Variants in PRCP observed in about 807,000 individuals in gnomAD.
PRCP encodes lysosomal Pro-X carboxypeptidase.
A neutral mutation model predicts 54.2 loss-of-function variants in PRCP; 46 were observed. That is an observed-to-expected ratio of 0.85 (90% confidence interval 0.67 to 1.09). PRCP has a LOEUF of 1.09. Among genes scored for constraint, PRCP ranks in the 50% least tolerant of loss-of-function variants. PRCP has a pLI of 0.00. For synonymous variants in PRCP, 240 were observed against 212.2 expected (o/e 1.13, Z -1.14); for missense variants, 613 against 596.8 (o/e 1.03, Z -0.28).
At chr11:82,831,740 C>G (rs1412335178) in intron 8 of PRCP, among the ~76,000 whole-genome samples, 1 of 151,648 alleles carries the variant, frequency 6.6e-6, no homozygotes, top group Non-Finnish European at 1.5e-5. Context: ...TTTAATTATA[C>G]TTTAAGTTCT....
rs147407642 is a variant in PRCP, at chr11:82,849,994, G to A, written c.671C>T (p.Thr224Ile). 1.0e-4 allele frequency: 163 copies of A among 1,561,242 alleles called. No individual in the cohort carries two copies. The African/African-American group carries it at 2.1e-3, about 20-fold the overall frequency. Reference protein sequence around the residue: ...PCGVFMKIVTTDFRKSGPHCS... With the variant: ...PCGVFMKIVTIDFRKSGPHCS... ...ATGTGGACCGCTTTTCCTAAAATCT[G>A]TAGTTACGATCTTCATAAATACACC... The change falls in exon 5 of 9, where the codon ACA becomes ATA. Residue 224 changes from threonine to isoleucine, a missense_variant. By Grantham distance (89) the Thr-to-Ile change is moderately conservative. Transcript: ENST00000313010.
chr11:82,834,129 A>G (rs1281238951), intron 8 of PRCP, among the ~76,000 whole-genome samples: 3 of 152,216 alleles, frequency 2.0e-5, no homozygotes, highest in Non-Finnish European at 4.4e-5. Context: ...CCATCTTGAA[A>G]GCAGAGACTG....
chr11:82,898,991 T>A (rs10898053), intron 1 of PRCP, among the ~76,000 whole-genome samples: 21,133 of 79,314 alleles, frequency 0.27, 1,518 homozygotes, highest in Middle Eastern at 0.32. Context: ...TTTTTAAAAA[T>A]AAAAAAATTT....
intron 1 of PRCP, among the ~76,000 whole-genome samples, chr11:82,896,737 A>G (rs1027311033): frequency 1.3e-5 from 2 of 150,368 alleles, no homozygotes; most frequent in Non-Finnish European, 3.0e-5. Flanking sequence ...AAATTCTGCC[A>G]GCAGAATGCC....
intron 2 of PRCP, chr11:82,858,778 A>G (rs1859146674): frequency 6.6e-6 from 1 of 152,178 alleles, no homozygotes; most frequent in South Asian, 2.1e-4. Context: ...ATCTGATGGA[A>G]AGGAGATTTC....
chr11:82,844,584 A>G (rs931630240), intron 6 of PRCP, among the ~76,000 whole-genome samples: 1 of 151,856 alleles, frequency 6.6e-6, no homozygotes, highest in Non-Finnish European at 1.5e-5. Context: ...TAAAAATACA[A>G]AAATCAGGCA....
intron 2 of PRCP, among the ~76,000 whole-genome samples, chr11:82,857,477 C>G (rs2121168496): frequency 6.6e-6 from 1 of 152,328 alleles, no homozygotes; most frequent in East Asian, 1.9e-4. Context: ...GTTAGATCTC[C>G]TTGCTAGAAC....
At chr11:82,831,524 C>T (rs901101511) in intron 8 of PRCP, 13 of 152,162 alleles carry the variant, frequency 8.5e-5, no homozygotes, top group African/African-American at 3.1e-4. Flanking sequence ...GGCCACGCAG[C>T]TAATTCAGGG....
At chr11:82,883,845 T>A (rs1426224846) in intron 1 of PRCP, among the ~76,000 whole-genome samples, 3 of 152,180 alleles carry the variant, frequency 2.0e-5, no homozygotes, top group Non-Finnish European at 4.4e-5. Flanking sequence ...GTTGTTTTTT[T>A]AGAAATTAGA....
At chr11:82,832,189 T>A (rs1858403449) in intron 8 of PRCP, among the ~76,000 whole-genome samples, 2 of 152,192 alleles carry the variant, frequency 1.3e-5, no homozygotes, top group Admixed American at 6.5e-5. Flanking sequence ...CATGTGCATG[T>A]GTCTTTTTAG....
At chr11:82,847,160 T>C (rs1210992994) in intron 6 of PRCP, among the ~76,000 whole-genome samples, 3 of 152,250 alleles carry the variant, frequency 2.0e-5, no homozygotes, top group Non-Finnish European at 4.4e-5. Context: ...ATTCCCCATA[T>C]GTTTTTATCA....
chr11:82,857,453 C>G (rs1169046384), intron 2 of PRCP, among the ~76,000 whole-genome samples: 1 of 152,186 alleles, frequency 6.6e-6, no homozygotes, highest in Non-Finnish European at 1.5e-5. Flanking sequence ...TCCAGAGCAC[C>G]ATCATCAAGA....
intron 1 of PRCP, 42 bp downstream of exon 1, chr11:82,900,193 G>A (rs202103768): frequency 1.9e-5 from 30 of 1,606,796 alleles, no homozygotes; most frequent in Non-Finnish European, 2.3e-5. Context: ...CAGGGTTCCC[G>A]GCGGTTGGGC....
intron 2 of PRCP, among the ~76,000 whole-genome samples, chr11:82,857,647 T>A (rs1344667293): frequency 6.6e-6 from 1 of 152,252 alleles, no homozygotes; most frequent in Non-Finnish European, 1.5e-5. Context: ...GTGCACATTG[T>A]TGCTTTTTAG....
chr11:82,854,774 A>G lies in PRCP; in HGVS notation c.310-1496T>C, dbSNP rs146379729. Reference sequence around the variant, plus strand: ...ATCACACTACCTGACTTCAAACTATACTGCAAGGCTACAATAACCAAAACA... The same window carrying G: ...ATCACACTACCTGACTTCAAACTATGCTGCAAGGCTACAATAACCAAAACA... On this transcript the variant is annotated intron_variant, in intron 2 of 8. Transcript: ENST00000313010. Among the ~76,000 whole-genome samples, 1,136 of 152,362 alleles carry G rather than the reference A, an allele frequency of 7.5e-3. 6 individuals are homozygous for G. The highest frequency in any genetic ancestry group is 0.012 in the Admixed American group (177 of 15,306).
At chr11:82,847,883 C>T (rs1369217692) in intron 6 of PRCP, among the ~76,000 whole-genome samples, 2 of 152,152 alleles carry the variant, frequency 1.3e-5, no homozygotes, top group Non-Finnish European at 2.9e-5. Flanking sequence ...GATGAGCGAC[C>T]ATGCCAGGCC....
At position 82,889,509 on chromosome 11, in the gene PRCP, G is replaced by GGCAGAAGCAGCAGAGGAAGCT. The variant is rs1222896418; in HGVS notation, c.168+10705_168+10725dup. Among the ~76,000 whole-genome samples, 369 of 152,210 alleles carry GGCAGAAGCAGCAGAGGAAGCT rather than the reference G, an allele frequency of 2.4e-3. 3 individuals are homozygous for GGCAGAAGCAGCAGAGGAAGCT. The highest frequency in any genetic ancestry group is 8.4e-3 in the African/African-American group (348 of 41,518). The stretch of plus-strand genomic sequence containing the variant: ...GATGACAGCTCCTGGAGGAGGCAGA[G>GGCAGAAGCAGCAGAGGAAGCT]GCAGAAGCAGCAGAGGAAGCTGCAG... On this transcript the variant is annotated intron_variant, in intron 1 of 8. Transcript: ENST00000313010.
rs150766279 is a variant in PRCP at position 82,872,515 on chromosome 11, T to C, written c.169-12398A>G. ...GAAGAATGCCATGTTAAGACACAGATGCACAAAAGCAAAATGGCCATGTGA... is the reference window on the plus strand; with the variant it reads ...GAAGAATGCCATGTTAAGACACAGACGCACAAAAGCAAAATGGCCATGTGA... On this transcript the variant is annotated intron_variant, in intron 1 of 8. Transcript: ENST00000313010. Among the ~76,000 whole-genome samples the C allele has an allele frequency of 2.5e-3, 383 of 152,218 alleles. 1 individual carries two copies. Among genetic ancestry groups the C allele is most frequent in the African/African-American group, 9.1e-3 (376 of 41,516 alleles).
chr11:82,882,366 G>A (rs1342159393), intron 1 of PRCP, among the ~76,000 whole-genome samples: 3 of 152,178 alleles, frequency 2.0e-5, no homozygotes, highest in Admixed American at 2.0e-4. Context: ...TGCTATAGAA[G>A]TTAAACCTGT....
Sources: gnomAD v4.1 joint callset for allele counts (sites outside exome capture counted in the v4.1 genomes callset) on GRCh38, gnomAD v4.1.1 for gene constraint, MANE v1.5 for transcripts, NCBI Gene and HGNC (gene_info 2026-07-23, HGNC 2026-07-21) for gene names.